The following VWA3B variants were observed in gnomAD, a reference collection of about 807,000 sequenced individuals.
VWA3B encodes the protein von Willebrand factor A domain containing 3B.
Under a neutral mutation model 158.3 loss-of-function variants are expected in VWA3B, and 138 were observed. The ratio of observed to expected loss-of-function variants is 0.87; its 90% CI spans 0.76 to 1.00. The LOEUF (loss-of-function observed/expected upper bound fraction) is 1.00, where lower values mean the gene tolerates loss of function less well. Among genes scored for constraint, VWA3B ranks in the 50% least tolerant of loss-of-function variants. VWA3B has a pLI of 0.00. For missense variants in VWA3B, 1,555 were observed against 1,565.1 expected (o/e 0.99, Z 0.11); for synonymous variants, 596 against 587.3 (o/e 1.01, Z -0.21).
chr2:98,161,570 C>T (rs1199712516), intron 7 of VWA3B, among the ~76,000 whole-genome samples: 1 of 152,112 alleles, frequency 6.6e-6, no homozygotes, highest in Non-Finnish European at 1.5e-5. Flanking sequence ...GAGTGTGGAT[C>T]TGTTTTCAAG....
chr2:98,259,784 T>C (rs915370753), intron 21 of VWA3B, among the ~76,000 whole-genome samples: 1 of 151,708 alleles, frequency 6.6e-6, no homozygotes, highest in Admixed American at 6.6e-5. Context: ...TGGCTTTGGG[T>C]TTAGTTTTCC....
At chr2:98,181,319 A>G (rs1558644458) in intron 9 of VWA3B, 107 bp downstream of exon 9, 4 of 1,243,410 alleles carry the variant, frequency 3.2e-6, no homozygotes, top group East Asian at 2.4e-5. Context: ...AGGGAGAGAA[A>G]CCAGCTTGGG....
rs866675160 is a variant in VWA3B, at chr2:98,211,997, T to C, written c.1805T>C (p.Ile602Thr). The change falls in exon 13 of 28, where the codon ATC (isoleucine) becomes ACC (threonine). Residue 602 changes from isoleucine to threonine, a missense_variant. By Grantham distance (89) the Ile-to-Thr change is moderately conservative. Transcript: ENST00000477737. Reference protein sequence around the residue: ...TAFADKETQAIYLLTDGRPDQ... With the variant: ...TAFADKETQATYLLTDGRPDQ... ...TTTGCTGATAAAGAAACACAGGCAATCTACCTTCTGACCGATGGGAGACCT... is the reference window on the plus strand; with the variant it reads ...TTTGCTGATAAAGAAACACAGGCAACCTACCTTCTGACCGATGGGAGACCT... 6.2e-7 allele frequency: 1 copy of C among 1,614,082 alleles called. No homozygotes were observed. The highest frequency in any genetic ancestry group is 1.1e-5 in the South Asian group (1 of 91,066).
At chr2:98,107,090 A>G (rs1200277999) in intron 2 of VWA3B, among the ~76,000 whole-genome samples, 1 of 152,122 alleles carries the variant, frequency 6.6e-6, no homozygotes, top group Non-Finnish European at 1.5e-5. Context: ...TTCTCCATCA[A>G]TTGATAGCAT....
At chr2:98,176,459 CTCCT>C (rs564117880) in intron 8 of VWA3B, among the ~76,000 whole-genome samples, 98 of 149,030 alleles carry the variant, frequency 6.6e-4, no homozygotes, top group African/African-American at 2.1e-3. Flanking sequence ...CCCTCCCTCC[CTCCT>C]TCCTTCCTTC....
chr2:98,167,956 G>C (rs1280058664), intron 8 of VWA3B, among the ~76,000 whole-genome samples: 1 of 152,134 alleles, frequency 6.6e-6, no homozygotes, highest in African/African-American at 2.4e-5. Flanking sequence ...GACATGAAAA[G>C]AACAAACTAT....
intron 3 of VWA3B, among the ~76,000 whole-genome samples, chr2:98,117,100 A>T (rs1176664820): frequency 6.6e-6 from 1 of 152,070 alleles, no homozygotes; most frequent in Non-Finnish European, 1.5e-5. Flanking sequence ...CCTCAATTCA[A>T]TGTCATTTCA....
chr2:98,269,944 A>G (rs1688097037), intron 21 of VWA3B, among the ~76,000 whole-genome samples: 2 of 152,182 alleles, frequency 1.3e-5, no homozygotes, highest in African/African-American at 4.8e-5. Context: ...ATCTAAATAA[A>G]TAAGTGATGC....
chr2:98,327,774 A>C, the VWA3B span, among the ~76,000 whole-genome samples: 1 of 152,194 alleles, frequency 6.6e-6, no homozygotes, highest in Non-Finnish European at 1.5e-5. Context: ...GTCTGTCAGC[A>C]ACAAACTCAA....
intron 24 of VWA3B, among the ~76,000 whole-genome samples, chr2:98,299,556 T>C (rs1690048765): frequency 6.6e-6 from 1 of 152,188 alleles, no homozygotes; most frequent in South Asian, 2.1e-4. Context: ...AACAGTGCTC[T>C]TGTACCCTGA....
intron 8 of VWA3B, among the ~76,000 whole-genome samples, chr2:98,166,824 A>ACACACACACT (rs753657308): frequency 5.3e-5 from 8 of 151,066 alleles, no homozygotes; most frequent in Middle Eastern, 3.4e-3. Flanking sequence ...ACACACACAC[A>ACACACACACT]CTCAAACTAA....
chr2:98,210,595 C>T (rs1683428662), intron 12 of VWA3B, among the ~76,000 whole-genome samples: 1 of 152,166 alleles, frequency 6.6e-6, no homozygotes, highest in Admixed American at 6.5e-5. Flanking sequence ...TCATGGGGTT[C>T]CCCATCATGG....
intron 22 of VWA3B, among the ~76,000 whole-genome samples, chr2:98,285,732 C>T (rs1388248022): frequency 1.3e-5 from 2 of 151,140 alleles, no homozygotes; most frequent in African/African-American, 2.4e-5. Flanking sequence ...CATCTGTGTC[C>T]TCTGCATTTA....
At chr2:98,178,721 T>A (rs962375921) in intron 8 of VWA3B, among the ~76,000 whole-genome samples, 5 of 152,100 alleles carry the variant, frequency 3.3e-5, no homozygotes, top group Non-Finnish European at 7.4e-5. Context: ...AAAATCCCAA[T>A]GTCCAGGCCA....
chr2:98,151,323 G>C (rs988653790), intron 7 of VWA3B, among the ~76,000 whole-genome samples: 1 of 152,152 alleles, frequency 6.6e-6, no homozygotes, highest in African/African-American at 2.4e-5. Context: ...TTTTGACCAG[G>C]CTGGTCTCTT....
At chr2:98,195,880 G>A (rs1681998343) in intron 12 of VWA3B, among the ~76,000 whole-genome samples, 1 of 152,044 alleles carries the variant, frequency 6.6e-6, no homozygotes, top group African/African-American at 2.4e-5. Context: ...TTTTCAAAAG[G>A]ACCAAGGATA....
Position 98,212,994 on chromosome 2 carries a change from C to G in VWA3B, c.1836+966C>G, listed in dbSNP as rs150862276. ...TATACAGTTTAATACAACACGGGAA[C>G]AGGGTTGCCTGTGCTATGTCTAGGG... On this transcript the variant is annotated intron_variant, in intron 13 of 27. Coordinates refer to ENST00000477737, the MANE Select transcript of VWA3B (RefSeq NM_144992.5). Among the ~76,000 whole-genome samples, 4 of 152,174 alleles carry G rather than the reference C, an allele frequency of 2.6e-5. No homozygotes were observed. In the East Asian group the frequency reaches 7.7e-4, roughly 29 times the overall value.
chr2:98,183,936 C>T (rs147853307), intron 9 of VWA3B, among the ~76,000 whole-genome samples: 58 of 152,338 alleles, frequency 3.8e-4, no homozygotes, highest in African/African-American at 1.3e-3. Context: ...TTCTGCACTA[C>T]AAACATTGTG....
chr2:98,213,110 C>G (rs76699207), intron 13 of VWA3B, among the ~76,000 whole-genome samples: 7,189 of 152,102 alleles, frequency 0.047, 257 homozygotes, highest in Middle Eastern at 0.082. Flanking sequence ...TCTGGAAAGA[C>G]AAGAAGGAAT....
Sources: allele counts gnomAD v4.1 joint callset (sites outside exome capture counted in the v4.1 genomes callset), GRCh38; gene constraint gnomAD v4.1.1; transcripts MANE v1.5; gene names NCBI Gene and HGNC (gene_info 2026-07-23, HGNC 2026-07-21).